Variants in BPTF observed in about 807,000 individuals in gnomAD.
The protein encoded by BPTF is bromodomain PHD finger transcription factor.
A neutral mutation model predicts 292.5 loss-of-function variants in BPTF; 18 were observed. That is an observed-to-expected ratio of 0.06 (90% confidence interval 0.04 to 0.09). The LOEUF is 0.09. BPTF is among the 10% of genes least tolerant of loss of function. The pLI, the probability that BPTF is intolerant of heterozygous loss-of-function variation, is 1.00. For synonymous variants in BPTF, 1,225 were observed against 1,251.9 expected (o/e 0.98, Z 0.45); for missense variants, 2,726 against 3,498.7 (o/e 0.78, Z 5.57).
intron 15 of BPTF, among the ~76,000 whole-genome samples, 188 bp downstream of exon 15, chr17:67,924,777 T>C (rs1407741322): frequency 1.3e-5 from 2 of 152,204 alleles, no homozygotes; most frequent in Non-Finnish European, 2.9e-5. Flanking sequence ...TTTTGGTGTT[T>C]ATTTTTTTGA....
chr17:67,953,336 ACCT>A (rs1555679316), intron 23 of BPTF, among the ~76,000 whole-genome samples: 2 of 146,254 alleles, frequency 1.4e-5, no homozygotes, highest in Non-Finnish European at 3.0e-5. Flanking sequence ...GGCTCCTGCA[ACCT>A]CCTCCTCCCA....
At chr17:67,904,582 G>T in intron 8 of BPTF, 120 bp from the exon 9 acceptor site, 1 of 719,844 alleles carries the variant, frequency 1.4e-6, no homozygotes, top group Non-Finnish European at 2.1e-6. Flanking sequence ...ACCTGGGGAT[G>T]ATTAGTAAAT....
chr17:67,891,406 A>C (rs1407266197), intron 4 of BPTF: 1 of 152,790 alleles, frequency 6.5e-6, no homozygotes, highest in African/African-American at 2.4e-5. Context: ...TTATGTTTAT[A>C]AGCTCAAAAC....
intron 2 of BPTF, among the ~76,000 whole-genome samples, chr17:67,865,144 A>G (rs906576594): frequency 2.0e-5 from 3 of 152,126 alleles, no homozygotes; most frequent in African/African-American, 7.2e-5. Flanking sequence ...AAACGCTCCA[A>G]TGAGCATTTC....
intron 26 of BPTF, among the ~76,000 whole-genome samples, chr17:67,969,922 G>T (rs782048422): frequency 1.3e-5 from 2 of 151,920 alleles, no homozygotes; most frequent in Non-Finnish European, 2.9e-5. Context: ...GTGAAACTCC[G>T]TGTCAAATAA....
At chr17:67,828,166 G>C (rs79658927) in intron 1 of BPTF, among the ~76,000 whole-genome samples, 1,715 of 152,066 alleles carry the variant, frequency 0.011, 26 homozygotes, top group African/African-American at 0.039. Flanking sequence ...TCTTGACCTC[G>C]TGATCCGCCT....
At chr17:67,909,448 CTT>C (rs78628269) in intron 9 of BPTF, 132 bp from the exon 10 acceptor site, 5,315 of 503,210 alleles carry the variant, frequency 0.011, no homozygotes, top group South Asian at 0.014. Context: ...AGACCTTTGT[CTT>C]TTTTTTTTTT....
Position 67,826,237 on chromosome 17 carries a change from T to G in BPTF, c.513T>G (p.Asp171Glu). The G allele has an allele frequency of 1.9e-6, 3 of 1,613,398 alleles. No homozygotes were observed. The highest frequency in any genetic ancestry group is 2.5e-6 in the Non-Finnish European group (3 of 1,179,700). The stretch of plus-strand genomic sequence containing the variant: ...AGGATGAGATGGAAGAGGACGACGA[T>G]GACTCCGATTATCCGGAGGAGATGG... ...DEEDEMEEDD[D>E]DSDYPEEMED... Residue 171 changes from aspartate to glutamate, a missense_variant, in exon 1 of 28, where the codon GAT (aspartate) becomes GAG (glutamate). Around this residue, in one of 22 missense-constraint regions of BPTF, gnomAD observed 153 missense variants for 178.3 expected, o/e 0.86. Transcript: ENST00000306378.
intron 1 of BPTF, among the ~76,000 whole-genome samples, chr17:67,842,124 A>G (rs573692917): frequency 2.0e-5 from 3 of 152,240 alleles, no homozygotes; most frequent in African/African-American, 7.2e-5. Flanking sequence ...ATATGTGTAT[A>G]TATCTTTATA....
chr17:67,962,979 C>G (rs2067663112), intron 24 of BPTF, among the ~76,000 whole-genome samples: 1 of 152,142 alleles, frequency 6.6e-6, no homozygotes, highest in East Asian at 1.9e-4. Context: ...GTCTTTGATT[C>G]TTTGGCTTTG....
At chr17:67,962,698 TTTAATTCGA>T (rs1192592645) in intron 24 of BPTF, among the ~76,000 whole-genome samples, 15 of 152,372 alleles carry the variant, frequency 9.8e-5, no homozygotes, top group Non-Finnish European at 1.8e-4. Flanking sequence ...AGAGGTTATT[TTTAATTCGA>T]TTAAATTCCA....
At chr17:67,887,343 A>G (rs117878400) in intron 4 of BPTF, among the ~76,000 whole-genome samples, 3,135 of 152,124 alleles carry the variant, frequency 0.021, 40 homozygotes, top group Non-Finnish European at 0.029. Flanking sequence ...TATTGTTGCT[A>G]TTAATCTTCA....
At chr17:67,902,460 T>C (rs1415190364) in intron 7 of BPTF, among the ~76,000 whole-genome samples, 1 of 152,190 alleles carries the variant, frequency 6.6e-6, no homozygotes, top group East Asian at 1.9e-4. Flanking sequence ...AGCTAGTCCT[T>C]CTCCTTAGTT....
chr17:67,943,728 AC>A (rs1406762867), intron 19 of BPTF, among the ~76,000 whole-genome samples: 1 of 152,156 alleles, frequency 6.6e-6, no homozygotes, highest in Non-Finnish European at 1.5e-5. Context: ...TTCTCTGCCT[AC>A]CCCATAAAGT....
intron 2 of BPTF, among the ~76,000 whole-genome samples, chr17:67,859,563 A>T (rs1426430422): frequency 6.6e-6 from 1 of 152,076 alleles, no homozygotes; most frequent in Non-Finnish European, 1.5e-5. Flanking sequence ...AGAACCTGGA[A>T]TTTTTTTTAG....
chr17:67,983,274 T>C lies in BPTF; in HGVS notation c.*986T>C, dbSNP rs2070608327. On this transcript the variant is annotated 3_prime_UTR_variant, in exon 28 of 28. Coordinates refer to ENST00000306378, the MANE Select transcript of BPTF (RefSeq NM_182641.4). Reference sequence around the variant, plus strand: ...TGCCTGGATTTCTCCAGGACAGCAGTGGCCCCTCGTTTTATCATTCCCAGT... The same window carrying C: ...TGCCTGGATTTCTCCAGGACAGCAGCGGCCCCTCGTTTTATCATTCCCAGT... 6.6e-6 allele frequency: 1 copy of C among 152,618 alleles called. No individual in the cohort carries two copies. Among genetic ancestry groups the C allele is most frequent in the Non-Finnish European group, 1.5e-5 (1 of 68,036 alleles). The allele number at this position is 152,618 out of a possible 1,614,324, so 9.5% of individuals were successfully genotyped here. A position where few individuals can be genotyped will look rare whatever the true frequency, so the allele number is the denominator to read the frequency against.
At chr17:67,927,166 A>G (rs1165918592) in intron 15 of BPTF, among the ~76,000 whole-genome samples, 1 of 152,198 alleles carries the variant, frequency 6.6e-6, no homozygotes, top group Non-Finnish European at 1.5e-5. Flanking sequence ...ACATCCCAAC[A>G]TCACCCTTAA....
intron 5 of BPTF, 72 bp from the exon 6 acceptor site, chr17:67,893,298 A>T: frequency 2.2e-6 from 2 of 926,384 alleles, no homozygotes; most frequent in Non-Finnish European, 3.4e-6. Context: ...AATTATTGAA[A>T]GACAGTTGAT....
At chr17:67,956,192 G>A (rs1228418770) in intron 23 of BPTF, 1 of 151,446 alleles carries the variant, frequency 6.6e-6, no homozygotes, top group African/African-American at 2.4e-5. Flanking sequence ...GATGGCGGGC[G>A]CCTGTAGTCC....
Sources: allele counts gnomAD v4.1 joint callset (sites outside exome capture counted in the v4.1 genomes callset), GRCh38; gene constraint gnomAD v4.1.1; regional missense constraint gnomAD v4.1.1; transcripts MANE v1.5; gene names NCBI Gene and HGNC (gene_info 2026-07-23, HGNC 2026-07-21).